Variants in BICD2 observed in about 807,000 individuals in gnomAD.
BICD2 encodes the protein BICD cargo adaptor 2.
BICD2 carries 25 observed loss-of-function variants against 72.9 expected under a neutral mutation model. The ratio of observed to expected loss-of-function variants is 0.34; its 90% CI spans 0.25 to 0.48. BICD2 has a LOEUF of 0.48. Among genes scored for constraint, BICD2 ranks in the 20% least tolerant of loss-of-function variants. The pLI, the probability that BICD2 is intolerant of heterozygous loss-of-function variation, is 0.99. For missense variants in BICD2, 894 were observed against 1,175.2 expected, an observed-to-expected ratio of 0.76 and a Z score of 3.50; for synonymous variants, 501 against 516.1, an observed-to-expected ratio of 0.97 and a Z score of 0.40.
chr9:92,760,991 G>A (rs773690666), intron 1 of BICD2, among the ~76,000 whole-genome samples: 1 of 152,226 alleles, frequency 6.6e-6, no homozygotes, highest in Non-Finnish European at 1.5e-5. Context: ...GAACCTCCTG[G>A]AGGGTCCTCT....
intron 1 of BICD2, among the ~76,000 whole-genome samples, chr9:92,760,599 C>T (rs559321543): frequency 2.0e-5 from 3 of 152,292 alleles, no homozygotes; most frequent in Non-Finnish European, 4.4e-5. Context: ...AGAGGCCCAG[C>T]GGGGAGAGAA....
intron 5 of BICD2, among the ~76,000 whole-genome samples, 164 bp from the exon 6 acceptor site, chr9:92,718,112 A>T (rs951233694): frequency 6.6e-6 from 1 of 152,164 alleles, no homozygotes; most frequent in Admixed American, 6.5e-5. Context: ...GGACTCCAGC[A>T]GCTACGCCAT....
chr9:92,758,854 CA>C (rs1232897388), intron 1 of BICD2, among the ~76,000 whole-genome samples: 142 of 134,664 alleles, frequency 1.1e-3, no homozygotes, highest in Admixed American at 1.3e-3. Flanking sequence ...AACTCCGTCT[CA>C]AAAAAAAAAA....
chr9:92,755,958 G>C (rs1854246090), intron 1 of BICD2, among the ~76,000 whole-genome samples: 1 of 152,230 alleles, frequency 6.6e-6, no homozygotes, highest in African/African-American at 2.4e-5. Context: ...AGAGGGGAGA[G>C]ACTGGCTCCA....
At chr9:92,756,693 CCT>C (rs142251091) in intron 1 of BICD2, among the ~76,000 whole-genome samples, 2,533 of 151,204 alleles carry the variant, frequency 0.017, 187 homozygotes, top group Admixed American at 0.13. Flanking sequence ...AGGATGAAAC[CCT>C]GTCTCTACTA....
rs751355008 is a variant in BICD2 at position 92,718,641 on chromosome 9, G to A, written c.2004C>T (p.Asp668=). The change falls in exon 5 of 7, where the codon GAC becomes GAT. Residue 668 remains aspartate, a synonymous_variant. Transcript: ENST00000356884. ...SQELGPAVDK[D]KEALMEEILK... The stretch of plus-strand genomic sequence containing the variant: ...GGATCTCCTCCATAAGCGCTTCCTT[G>A]TCCTTGTCCACGGCGGGGCCCAGCT... The A allele has an allele frequency of 3.2e-5, 51 of 1,613,852 alleles. No homozygotes were observed. The highest frequency in any genetic ancestry group is 4.2e-5 in the Non-Finnish European group (49 of 1,180,046).
chr9:92,752,380 A>G (rs1854169022), intron 1 of BICD2, among the ~76,000 whole-genome samples: 1 of 152,208 alleles, frequency 6.6e-6, no homozygotes, highest in Admixed American at 6.5e-5. Context: ...TAAAGGGGGT[A>G]TAAGAGCCAT....
At chr9:92,763,842 C>G (rs1342688897) in intron 1 of BICD2, among the ~76,000 whole-genome samples, 2 of 152,164 alleles carry the variant, frequency 1.3e-5, no homozygotes, top group Non-Finnish European at 2.9e-5. Flanking sequence ...CTGGTGGGAG[C>G]GCAATCCCGG....
intron 5 of BICD2, 90 bp downstream of exon 5, chr9:92,718,449 G>A (rs1055063764): frequency 1.4e-6 from 2 of 1,468,592 alleles, no homozygotes; most frequent in Non-Finnish European, 9.1e-7. Flanking sequence ...GCCTGGGGGG[G>A]CCCCGTGGCA....
Position 92,719,202 on chromosome 9 carries a change from G to T in BICD2, c.1443C>A (p.Leu481=), listed in dbSNP as rs550844711. Residue 481 remains leucine, a synonymous_variant, in exon 5 of 7, where the codon CTC becomes CTA. Coordinates refer to ENST00000356884, the MANE Select transcript of BICD2 (RefSeq NM_001003800.2). ...KGRYEAEGQA[L]TEKVSLLEKA... ...TCTCTAGCAGGGAGACCTTCTCCGT[G>T]AGTGCCTGGCCCTCAGCCTCATAGC... The T allele has an allele frequency of 3.8e-5, 62 of 1,610,896 alleles. No individual in the cohort carries two copies. The South Asian group carries it at 6.8e-4, about 18-fold the overall frequency.
chr9:92,760,952 T>C (rs1383401714), intron 1 of BICD2, among the ~76,000 whole-genome samples: 1 of 152,232 alleles, frequency 6.6e-6, no homozygotes, highest in Non-Finnish European at 1.5e-5. Context: ...TCAAAGAGGC[T>C]GGGCCTCACC....
chr9:92,740,600 G>C (rs539167885), intron 1 of BICD2, among the ~76,000 whole-genome samples: 101 of 152,024 alleles, frequency 6.6e-4, no homozygotes, highest in African/African-American at 2.4e-3. Context: ...AGTCTCTCTA[G>C]ACGGGGATTG....
intron 1 of BICD2, among the ~76,000 whole-genome samples, chr9:92,741,102 G>C (rs1203207324): frequency 6.6e-6 from 1 of 152,234 alleles, no homozygotes; most frequent in Non-Finnish European, 1.5e-5. Flanking sequence ...TCAGTTTGCT[G>C]AGTTTGTAAT....
Position 92,720,534 on chromosome 9 carries a change from C to T in BICD2, c.828G>A (p.Leu276=). 1 of 1,614,196 alleles carries T rather than the reference C, an allele frequency of 6.2e-7. No individual in the cohort carries two copies. Among genetic ancestry groups the T allele is most frequent in the Non-Finnish European group, 8.5e-7 (1 of 1,180,038 alleles). The change falls in exon 4 of 7, where the codon CTG becomes CTA. Residue 276 remains leucine (L), a synonymous_variant. Coordinates refer to ENST00000356884, the MANE Select transcript of BICD2 (RefSeq NM_001003800.2). The surrounding 1 kb of genome is among the most constrained non-coding windows in gnomAD (Gnocchi z 5.4). Reference sequence around the variant, plus strand: ...ACTTGAGGCCATCCAGCGAGACATGCAGGTGGCTGGTGTAGAAGGAGTCAT... The same window carrying T: ...ACTTGAGGCCATCCAGCGAGACATGTAGGTGGCTGGTGTAGAAGGAGTCAT... ...SINDSFYTSH[L]HVSLDGLKFS...
At chr9:92,723,470 A>G (rs370577246) in intron 2 of BICD2, among the ~76,000 whole-genome samples, 3 of 152,354 alleles carry the variant, frequency 2.0e-5, no homozygotes, top group African/African-American at 7.2e-5. Flanking sequence ...ACGAGAGGCC[A>G]TGCATTATAT....
chr9:92,748,826 C>T (rs1204188765), intron 1 of BICD2, among the ~76,000 whole-genome samples: 7 of 152,056 alleles, frequency 4.6e-5, no homozygotes, highest in Non-Finnish European at 7.4e-5. Context: ...TCACACAAGC[C>T]CTGCAAAGTA....
intron 1 of BICD2, among the ~76,000 whole-genome samples, chr9:92,757,147 C>T (rs13289477): frequency 6.6e-6 from 1 of 151,938 alleles, no homozygotes; most frequent in African/African-American, 2.4e-5. Flanking sequence ...AACCCCGCCT[C>T]TACTAAAATA....
chr9:92,715,537 C>G, intron 6 of BICD2, 74 bp from the exon 7 acceptor site: 4 of 1,437,778 alleles, frequency 2.8e-6, no homozygotes, highest in Non-Finnish European at 3.8e-6. Context: ...CAGGGCTAAG[C>G]TGCACGGCCC....
intron 1 of BICD2, among the ~76,000 whole-genome samples, chr9:92,730,938 C>A (rs1247424154): frequency 6.6e-6 from 1 of 152,246 alleles, no homozygotes; most frequent in African/African-American, 2.4e-5. Context: ...GATTTCTGCT[C>A]TGTTCTTCCT....
Sources: gnomAD v4.1 joint callset for allele counts (sites outside exome capture counted in the v4.1 genomes callset) on GRCh38, gnomAD v4.1.1 for gene constraint, Gnocchi (gnomAD v3.1) non-coding constraint, MANE v1.5 for transcripts, NCBI Gene and HGNC (gene_info 2026-07-23, HGNC 2026-07-21) for gene names.